The following SSUH2 variants were observed in gnomAD, a reference collection of about 807,000 sequenced individuals.
SSUH2 encodes protein SSUH2 homolog.
SSUH2 carries 47 observed loss-of-function variants against 55.3 expected under a neutral mutation model. The ratio of observed to expected loss-of-function variants is 0.85; its 90% CI spans 0.67 to 1.08. The LOEUF is 1.08. Among genes scored for constraint, SSUH2 ranks in the 50% least tolerant of loss-of-function variants. SSUH2 has a pLI of 0.00. For missense variants in SSUH2, 535 were observed against 490.7 expected, an observed-to-expected ratio of 1.09 and a Z score of -0.85; for synonymous variants, 212 against 191.5, an observed-to-expected ratio of 1.11 and a Z score of -0.89.
chr3:8,679,398 A>G (rs1410093446), intron 2 of SSUH2, among the ~76,000 whole-genome samples: 3 of 125,084 alleles, frequency 2.4e-5, no homozygotes, highest in South Asian at 2.8e-4. Context: ...GAGGGGACTG[A>G]GAGCCAGCCC....
intron 1 of SSUH2, among the ~76,000 whole-genome samples, chr3:8,642,279 G>T (rs1220868280): frequency 5.3e-5 from 8 of 152,200 alleles, no homozygotes; most frequent in Non-Finnish European, 1.2e-4. Context: ...TTTAAGAAAA[G>T]AGTGATTACC....
chr3:8,637,142 G>A (rs1028228594), intron 1 of SSUH2, among the ~76,000 whole-genome samples: 9 of 152,230 alleles, frequency 5.9e-5, no homozygotes, highest in South Asian at 2.1e-4. Context: ...GCCAGGCAGC[G>A]GCAGTGAACC....
At chr3:8,680,055 C>T (rs1224564720) in intron 1 of SSUH2, among the ~76,000 whole-genome samples, 1 of 152,120 alleles carries the variant, frequency 6.6e-6, no homozygotes, top group Non-Finnish European at 1.5e-5. Context: ...CCTGGGGCTA[C>T]CCGATCTGAC....
At position 8,644,748 on chromosome 3, in the gene SSUH2, T is replaced by G; in HGVS notation, c.11A>C (p.Asp4Ala). The G allele has an allele frequency of 6.5e-7, 1 of 1,536,086 alleles. No homozygotes were observed. The highest frequency in any genetic ancestry group is 1.2e-5 in the South Asian group (1 of 84,062). Residue 4 changes from aspartate to alanine, a missense_variant, in exon 1 of 12, where the codon GAT becomes GCT. By Grantham distance (126) the Asp-to-Ala change is moderately radical. Transcript: ENST00000544814. MDR[D>A]LNEDDSVVDL... ...CTACTTACTGTCATCTTCATTCAGA[T>G]CCCTGTCCATGTTCCAGACGTCCTG... is the stretch of plus-strand genomic sequence containing the variant.
chr3:8,668,714 T>G (rs1704227853), intron 5 of SSUH2, among the ~76,000 whole-genome samples: 1 of 152,186 alleles, frequency 6.6e-6, no homozygotes, highest in African/African-American at 2.4e-5. Flanking sequence ...ATTCTGGAAT[T>G]TATTTGTAAT....
At chr3:8,676,919 CT>C (rs1170114679) in intron 3 of SSUH2, among the ~76,000 whole-genome samples, 3 of 144,652 alleles carry the variant, frequency 2.1e-5, no homozygotes, top group Non-Finnish European at 3.1e-5. Context: ...TCTTTCCCCC[CT>C]GGCTCTTAGG....
chr3:8,668,387 C>A (rs1559528167), intron 5 of SSUH2, among the ~76,000 whole-genome samples: 1 of 152,224 alleles, frequency 6.6e-6, no homozygotes, highest in Non-Finnish European at 1.5e-5. Context: ...TGCTTGGCAG[C>A]AATGTGACAT....
At chr3:8,629,936 C>T (rs1319581836) in intron 6 of SSUH2, among the ~76,000 whole-genome samples, 3 of 152,146 alleles carry the variant, frequency 2.0e-5, no homozygotes, top group Non-Finnish European at 2.9e-5. Flanking sequence ...AGCCCTAGCC[C>T]AATCTGGATG....
At chr3:8,633,079 G>A (rs1699135366) in intron 4 of SSUH2, among the ~76,000 whole-genome samples, 1 of 151,658 alleles carries the variant, frequency 6.6e-6, no homozygotes, top group South Asian at 2.1e-4. Flanking sequence ...GACAAGGCGT[G>A]TGTGTAGCAT....
At chr3:8,677,018 A>C (rs1294625993) in intron 3 of SSUH2, among the ~76,000 whole-genome samples, 1 of 139,576 alleles carries the variant, frequency 7.2e-6, no homozygotes, top group African/African-American at 2.7e-5. Flanking sequence ...TGAGACCTCC[A>C]TCGCGGTGGG....
chr3:8,676,201 C>CGGGTGTACACACTCGGTGTACAGA (rs1232017424), intron 3 of SSUH2, among the ~76,000 whole-genome samples: 1 of 151,948 alleles, frequency 6.6e-6, no homozygotes, highest in Non-Finnish European at 1.5e-5. Flanking sequence ...GTTTCACAGA[C>CGGGTGTACACACTCGGTGTACAGA]GGGTGTACAC....
intron 5 of SSUH2, among the ~76,000 whole-genome samples, chr3:8,669,818 C>T (rs1441053926): frequency 1.3e-5 from 2 of 152,162 alleles, no homozygotes; most frequent in African/African-American, 4.8e-5. Context: ...TCAAGACTCT[C>T]AGGGTCATAA....
chr3:8,643,825 A>T (rs1346485957), intron 1 of SSUH2, among the ~76,000 whole-genome samples: 2 of 152,138 alleles, frequency 1.3e-5, no homozygotes, highest in African/African-American at 4.8e-5. Flanking sequence ...CCACACCCTC[A>T]TGGTCCTCAG....
chr3:8,680,946 G>A (rs1250902428), intron 1 of SSUH2, among the ~76,000 whole-genome samples: 7 of 151,672 alleles, frequency 4.6e-5, no homozygotes, highest in Admixed American at 2.0e-4. Context: ...CTGTGATGCT[G>A]GAATTATTAT....
intron 5 of SSUH2, among the ~76,000 whole-genome samples, chr3:8,666,649 G>A (rs982500715): frequency 2.6e-5 from 4 of 152,116 alleles, no homozygotes; most frequent in Admixed American, 6.5e-5. Flanking sequence ...AGGGGGCAGG[G>A]GTTTCGCCCA....
intron 7 of SSUH2, among the ~76,000 whole-genome samples, chr3:8,657,969 A>G (rs1487314846): frequency 6.6e-6 from 1 of 152,206 alleles, no homozygotes; most frequent in East Asian, 1.9e-4. Flanking sequence ...TCTCCCCACG[A>G]CAACTCCAAG....
intron 3 of SSUH2, among the ~76,000 whole-genome samples, chr3:8,674,619 G>A (rs1705019223): frequency 6.6e-6 from 1 of 152,200 alleles, no homozygotes; most frequent in African/African-American, 2.4e-5. Context: ...GACTTGTACT[G>A]TAGGAGGACA....
chr3:8,629,435 A>T (rs1698292215), intron 7 of SSUH2: 1 of 567,102 alleles, frequency 1.8e-6, no homozygotes, highest in African/African-American at 1.9e-5. Context: ...TGAGAAAATA[A>T]GAGAAAAATT....
At chr3:8,659,774 G>T (rs911054246) in intron 6 of SSUH2, 2 of 456,472 alleles carry the variant, frequency 4.4e-6, no homozygotes, top group Non-Finnish European at 8.8e-6. Flanking sequence ...TGTGTGCAGT[G>T]TAAGAGATAT....
Sources: allele counts gnomAD v4.1 joint callset (sites outside exome capture counted in the v4.1 genomes callset), GRCh38; gene constraint gnomAD v4.1.1; transcripts MANE v1.5; gene names NCBI Gene and HGNC (gene_info 2026-07-23, HGNC 2026-07-21).